FANCA: variants seen among roughly 807,000 people sequenced by gnomAD.
The protein encoded by FANCA is FA complementation group A, also known as Fanconi anemia group A protein.
In FANCA, 236 loss-of-function variants were observed where a neutral mutation model predicts 194.3. That is an observed-to-expected ratio of 1.21 (90% CI 1.09 to 1.35). The LOEUF is 1.35. Ranked by LOEUF, FANCA falls within the 40% of genes most tolerant of loss-of-function variation. The pLI is 0.00. For missense variants in FANCA, 2,628 were observed against 1,813.9 expected, an observed-to-expected ratio of 1.45 and a Z score of -8.15; for synonymous variants, 1,014 against 715.8, an observed-to-expected ratio of 1.42 and a Z score of -6.65.
intron 6 of FANCA, among the ~76,000 whole-genome samples, chr16:89,806,456 G>C (rs993395380): frequency 1.6e-4 from 23 of 147,588 alleles, no homozygotes; most frequent in Non-Finnish European, 2.8e-4. Context: ...ATAAACAAGT[G>C]AACAAAGGTC....
intron 8 of FANCA, among the ~76,000 whole-genome samples, chr16:89,800,392 A>G (rs2040403135): frequency 6.6e-6 from 1 of 152,238 alleles, no homozygotes; most frequent in Admixed American, 6.5e-5. Flanking sequence ...AGACTTCCTC[A>G]AACAAAGCCC....
chr16:89,783,408 G>A (rs189582723), intron 15 of FANCA, among the ~76,000 whole-genome samples: 38 of 151,938 alleles, frequency 2.5e-4, no homozygotes, highest in African/African-American at 4.6e-4. Context: ...AAAATTAGCC[G>A]GGCGCGGTGG....
chr16:89,770,655 T>A, intron 23 of FANCA, 21 bp from the exon 24 acceptor site: 1 of 1,589,934 alleles, frequency 6.3e-7, no homozygotes, highest in Non-Finnish European at 8.6e-7. Flanking sequence ...ACAGTTCTCA[T>A]GAGCGTGGTG....
chr16:89,804,944 G>C (rs1389233562), intron 7 of FANCA, among the ~76,000 whole-genome samples: 1 of 152,166 alleles, frequency 6.6e-6, no homozygotes, highest in Admixed American at 6.6e-5. Context: ...GGTTGAGGCA[G>C]AGAATCACTT....
At chr16:89,771,628 A>C (rs1191746503) in intron 23 of FANCA, 50 bp downstream of exon 23, 1 of 1,605,446 alleles carries the variant, frequency 6.2e-7, no homozygotes, top group African/African-American at 1.3e-5. Flanking sequence ...GCCTCTGCCT[A>C]ATGGAAAATG....
Position 89,737,618 on chromosome 16 carries a change from GAC to G in FANCA, c.*981_*982del, listed in dbSNP as rs1157496317. 6 of 1,127,636 alleles carry G rather than the reference GAC, an allele frequency of 5.3e-6. No individual in the cohort carries two copies. The highest frequency in any genetic ancestry group is 5.0e-5 in the South Asian group (3 of 59,522). 69.9% of individuals were successfully genotyped at this position (1,127,636 alleles called of 1,614,324 possible). On this transcript the variant is annotated 3_prime_UTR_variant, in exon 43 of 43. Transcript: ENST00000389301. Reference sequence around the variant, plus strand: ...ATGCACACAGCTGATGAAGCCACGTGACAGTGTATAAAGCAGTTTAAAGATCT... The same window carrying G: ...ATGCACACAGCTGATGAAGCCACGTGAGTGTATAAAGCAGTTTAAAGATCT...
chr16:89,804,856 AC>A (rs1171642778), intron 7 of FANCA, among the ~76,000 whole-genome samples: 2 of 151,914 alleles, frequency 1.3e-5, no homozygotes, highest in African/African-American at 4.8e-5. Flanking sequence ...ACCTAATGAA[AC>A]CCCGTCTCTA....
chr16:89,812,514 T>C (rs2040926510), intron 3 of FANCA, among the ~76,000 whole-genome samples: 1 of 149,082 alleles, frequency 6.7e-6, no homozygotes, highest in Non-Finnish European at 1.5e-5. Flanking sequence ...GGCGTGGTGG[T>C]GCATGCCTGT....
At chr16:89,786,015 A>ATG (rs2039884969) in intron 14 of FANCA, among the ~76,000 whole-genome samples, 1 of 104,130 alleles carries the variant, frequency 9.6e-6, no homozygotes, top group African/African-American at 3.9e-5. Context: ...ACTCCCAGCT[A>ATG]TTTTTTTTTT....
At chr16:89,810,863 T>A (rs1041695133) in intron 4 of FANCA, 61 bp from the exon 5 acceptor site, 2 of 1,613,124 alleles carry the variant, frequency 1.2e-6, no homozygotes, top group African/African-American at 2.7e-5. Flanking sequence ...TAAAGCTATG[T>A]CCTATTTTCC....
chr16:89,790,167 C>T (rs538246603), intron 14 of FANCA, among the ~76,000 whole-genome samples: 15 of 152,196 alleles, frequency 9.9e-5, no homozygotes, highest in African/African-American at 3.1e-4. Flanking sequence ...TTTGGGAGGC[C>T]GAGGGAGGCG....
intron 31 of FANCA, among the ~76,000 whole-genome samples, chr16:89,750,277 G>A (rs990542200): frequency 1.3e-5 from 2 of 151,554 alleles, no homozygotes; most frequent in African/African-American, 4.9e-5. Flanking sequence ...GTCAGGAGAT[G>A]GAGACCATCC....
intron 21 of FANCA, 62 bp from the exon 22 acceptor site, chr16:89,773,446 T>A (rs17226519): frequency 8.4e-7 from 1 of 1,194,314 alleles, no homozygotes. Flanking sequence ...ACTGCAAAAA[T>A]AGAAACTTCA....
intron 17 of FANCA, among the ~76,000 whole-genome samples, chr16:89,781,906 C>G (rs1360390232): frequency 1.4e-5 from 2 of 142,326 alleles, no homozygotes; most frequent in African/African-American, 5.3e-5. Flanking sequence ...ACTCGGGAGG[C>G]TGAGGCAGGA....
At chr16:89,803,567 AT>A (rs1249942300) in intron 7 of FANCA, among the ~76,000 whole-genome samples, 1 of 150,986 alleles carries the variant, frequency 6.6e-6, no homozygotes, top group African/African-American at 2.4e-5. Flanking sequence ...GATGAACCAG[AT>A]TTTTTCCTCT....
intron 3 of FANCA, among the ~76,000 whole-genome samples, chr16:89,812,888 C>G (rs1328722339): frequency 1.3e-5 from 2 of 151,320 alleles, no homozygotes; most frequent in Non-Finnish European, 2.9e-5. Context: ...CAAAAATTAG[C>G]TGGGTGCGGC....
intron 14 of FANCA, among the ~76,000 whole-genome samples, chr16:89,790,204 C>G (rs989107732): frequency 1.3e-5 from 2 of 151,302 alleles, no homozygotes; most frequent in African/African-American, 4.9e-5. Context: ...GATTTTGAGA[C>G]CAGCCTGACC....
intron 31 of FANCA, among the ~76,000 whole-genome samples, chr16:89,750,627 G>C (rs1205155110): frequency 2.0e-5 from 3 of 152,064 alleles, no homozygotes; most frequent in African/African-American, 7.2e-5. Flanking sequence ...ACAAAAATTA[G>C]CTGGGTGTGG....
chr16:89,757,451 G>T (rs745806648), intron 30 of FANCA, among the ~76,000 whole-genome samples: 12 of 152,168 alleles, frequency 7.9e-5, no homozygotes, highest in South Asian at 6.2e-4. Context: ...ACACAGATGA[G>T]CCTCAGAAAC....
Sources: allele counts gnomAD v4.1 joint callset (sites outside exome capture counted in the v4.1 genomes callset), GRCh38; gene constraint gnomAD v4.1.1; transcripts MANE v1.5; gene names NCBI Gene and HGNC (gene_info 2026-07-23, HGNC 2026-07-21).